The following PAK1IP1 variants were observed in gnomAD, a reference collection of about 807,000 sequenced individuals.
PAK1IP1 encodes PAK1 interacting protein 1, also known as p21-activated protein kinase-interacting protein 1.
A neutral mutation model predicts 42.0 loss-of-function variants in PAK1IP1; 24 were observed. The observed-to-expected ratio is 0.57, with a 90% CI of 0.41 to 0.80. The LOEUF (loss-of-function observed/expected upper bound fraction) is 0.80. Ranked by LOEUF, PAK1IP1 falls within the 30% of genes least tolerant of loss-of-function variation. The pLI is 0.00. For synonymous variants in PAK1IP1, 154 were observed against 156.7 expected, an observed-to-expected ratio of 0.98 and a Z score of 0.13; for missense variants, 411 against 467.9, an observed-to-expected ratio of 0.88 and a Z score of 1.12.
In PAK1IP1 at chr6:10,706,542, A is replaced by C. The variant is rs1161806875; in HGVS notation, c.741-873A>C. ...CCCATCTTATTTTAAAGTAGATCCC[A>C]GTTTTGTAGGGTTTTAAGCCTGCAA... On this transcript the variant is annotated intron_variant, in intron 7 of 9. Transcript: ENST00000379568. Among the ~76,000 whole-genome samples, 9 of 152,226 alleles carry C rather than the reference A, an allele frequency of 5.9e-5. No individual in the cohort carries two copies. The East Asian group carries it at 1.7e-3, about 29-fold the overall frequency.
chr6:10,693,230 G>C (rs1342189697), upstream of PAK1IP1, among the ~76,000 whole-genome samples: 1 of 152,168 alleles, frequency 6.6e-6, no homozygotes, highest in Non-Finnish European at 1.5e-5. Flanking sequence ...CAACCCAAAG[G>C]CGTAAGGGAC....
chr6:10,706,746 G>A (rs1219026788), intron 7 of PAK1IP1, among the ~76,000 whole-genome samples: 1 of 152,046 alleles, frequency 6.6e-6, no homozygotes, highest in African/African-American at 2.4e-5. Flanking sequence ...AGCCAGGTAT[G>A]GTGGCGCACG....
chr6:10,709,499 C>T lies in PAK1IP1; in HGVS notation c.*47C>T. Reference sequence around the variant, plus strand: ...AACTCTTTTAGATGAAATCATTCTACTCAAATGTACCTTAATTTTTTTTTT... The same window carrying T: ...AACTCTTTTAGATGAAATCATTCTATTCAAATGTACCTTAATTTTTTTTTT... On this transcript the variant is annotated 3_prime_UTR_variant, in exon 10 of 10. Transcript: ENST00000379568. The T allele has an allele frequency of 8.1e-7, 1 of 1,241,046 alleles. No homozygotes were observed. 76.9% of individuals were successfully genotyped at this position (1,241,046 alleles called of 1,614,324 possible). A position where few individuals can be genotyped will look rare whatever the true frequency, so the allele number is the denominator to read the frequency against.
upstream of PAK1IP1, among the ~76,000 whole-genome samples, chr6:10,694,260 C>CAA (rs57435593): frequency 3.8e-3 from 240 of 62,458 alleles, 5 homozygotes; most frequent in African/African-American, 0.012. Context: ...AACTCCGTCT[C>CAA]AAAAAAAAAA....
upstream of PAK1IP1, among the ~76,000 whole-genome samples, chr6:10,693,632 GT>G (rs1162382128): frequency 3.9e-5 from 6 of 152,238 alleles, no homozygotes; most frequent in Admixed American, 3.9e-4. Context: ...CTACTACGGT[GT>G]TTATGAGAAC....
intron 2 of PAK1IP1, among the ~76,000 whole-genome samples, chr6:10,700,127 C>T (rs1364683578): frequency 1.3e-5 from 2 of 152,102 alleles, no homozygotes; most frequent in African/African-American, 4.8e-5. Flanking sequence ...GGCGCGATCT[C>T]GGCTCACTGC....
chr6:10,705,438 A>G (rs1377589683), intron 7 of PAK1IP1, among the ~76,000 whole-genome samples: 1 of 152,256 alleles, frequency 6.6e-6, no homozygotes, highest in Non-Finnish European at 1.5e-5. Flanking sequence ...TTGAACAAAC[A>G]AAAGACTAAA....
Position 10,697,494 on chromosome 6 carries a change from A to C in PAK1IP1, c.247+8A>C. Reference sequence around the variant, plus strand: ...CTCTAGTGCATCACAGTGGTAAGAAAATTGTATCCCTTAAGATGAGAACAT... The same window carrying C: ...CTCTAGTGCATCACAGTGGTAAGAACATTGTATCCCTTAAGATGAGAACAT... On this transcript the variant is annotated splice_region_variant and intron_variant, in intron 2 of 9. Coordinates refer to ENST00000379568, the MANE Select transcript of PAK1IP1 (RefSeq NM_017906.3). 1.3e-6 allele frequency: 2 copies of C among 1,599,202 alleles called. No homozygotes were observed. Among genetic ancestry groups the C allele is most frequent in the Non-Finnish European group, 1.7e-6 (2 of 1,167,448 alleles).
upstream of PAK1IP1, chr6:10,694,544 T>C (rs1212655963): frequency 6.3e-6 from 1 of 158,586 alleles, no homozygotes; most frequent in Admixed American, 6.2e-5. Flanking sequence ...CAAAAACTCC[T>C]ACCCTACTAG....
In PAK1IP1 at chr6:10,702,562, T is replaced by C. The variant is rs368237224; in HGVS notation, c.369-3T>C. ...TGGGGACTAACTTTTGGTTTCATTA[T>C]AGAGGACAGGTGACCTTCCTTTCTA... On this transcript the variant is annotated splice_polypyrimidine_tract_variant and splice_region_variant and intron_variant, in intron 3 of 9. Transcript: ENST00000379568. 53 of 1,613,934 alleles carry C rather than the reference T, an allele frequency of 3.3e-5. No individual in the cohort carries two copies. Among genetic ancestry groups the C allele is most frequent in the Non-Finnish European group, 4.3e-5 (51 of 1,179,984 alleles).
chr6:10,694,893 G>A, upstream of PAK1IP1: 3 of 841,380 alleles, frequency 3.6e-6, no homozygotes, highest in Admixed American at 2.3e-5. Flanking sequence ...GATGCAGAAA[G>A]GAGTCAGGTG....
chr6:10,708,283 CACA>C (rs1370718516), intron 8 of PAK1IP1, among the ~76,000 whole-genome samples: 2 of 148,950 alleles, frequency 1.3e-5, no homozygotes, highest in Admixed American at 1.3e-4. Flanking sequence ...TATGGAATCA[CACA>C]ACGTTTGGCC....
At chr6:10,699,534 G>C (rs776349837) in intron 2 of PAK1IP1, among the ~76,000 whole-genome samples, 2 of 152,190 alleles carry the variant, frequency 1.3e-5, no homozygotes, top group African/African-American at 4.8e-5. Context: ...CAGGATAGTG[G>C]CAGAATCAAG....
chr6:10,705,324 A>T (rs925258562), intron 7 of PAK1IP1, among the ~76,000 whole-genome samples: 2 of 152,126 alleles, frequency 1.3e-5, no homozygotes, highest in African/African-American at 4.8e-5. Flanking sequence ...CTCAAAAAAA[A>T]TAATAATAAT....
At chr6:10,705,622 G>T (rs1770179067) in intron 7 of PAK1IP1, among the ~76,000 whole-genome samples, 1 of 152,094 alleles carries the variant, frequency 6.6e-6, no homozygotes, top group African/African-American at 2.4e-5. Context: ...TTTCTAGGGG[G>T]TAGATAGTCT....
intron 7 of PAK1IP1, among the ~76,000 whole-genome samples, chr6:10,705,184 G>A (rs1391875726): frequency 6.6e-6 from 1 of 152,006 alleles, no homozygotes; most frequent in Non-Finnish European, 1.5e-5. Flanking sequence ...TTGGTGTGGT[G>A]GTGCACGCTG....
chr6:10,708,966 C>G lies in PAK1IP1; in HGVS notation c.854C>G (p.Ser285Cys). 1 of 1,609,948 alleles carries G rather than the reference C, an allele frequency of 6.2e-7. No individual in the cohort carries two copies. ...KLKQDKKVPP[S>C]LLCEINTNAR... ...TCTTCTGTTTAGAAAGTTCCCCCAT[C>G]TTTACTCTGTGAAATAAACACTAAT... The change falls in exon 9 of 10, where the codon TCT (serine) becomes TGT (cysteine). Residue 285 changes from serine to cysteine, a missense_variant. Ser to Cys is a moderately radical substitution (Grantham distance 112, BLOSUM62 -1). Transcript: ENST00000379568.
At chr6:10,693,281 A>ATCGT (rs1769517913), upstream of PAK1IP1, among the ~76,000 whole-genome samples, 1 of 152,214 alleles carries the variant, frequency 6.6e-6, no homozygotes, top group Admixed American at 6.5e-5. Flanking sequence ...TGCTCTCACC[A>ATCGT]TCGTTCCATC....
chr6:10,709,514 A>AT lies in PAK1IP1; in HGVS notation c.*74dup, dbSNP rs35359146. ...AATCATTCTACTCAAATGTACCTTA[A>AT]TTTTTTTTTTTTCCCTGAGTAAAAG... On this transcript the variant is annotated 3_prime_UTR_variant, in exon 10 of 10. Coordinates refer to ENST00000379568, the MANE Select transcript of PAK1IP1 (RefSeq NM_017906.3). 77,756 of 874,566 alleles carry AT rather than the reference A, an allele frequency of 0.089. 9,515 individuals carry two copies. Among genetic ancestry groups the AT allele is most frequent in the African/African-American group, 0.62 (31,981 of 51,614 alleles). The allele number at this position is 874,566 out of a possible 1,614,324, so 54.2% of individuals were successfully genotyped here.
Sources: allele counts gnomAD v4.1 joint callset (sites outside exome capture counted in the v4.1 genomes callset), GRCh38; gene constraint gnomAD v4.1.1; transcripts MANE v1.5; gene names NCBI Gene and HGNC (gene_info 2026-07-23, HGNC 2026-07-21).